The following DAPK2 variants were observed in gnomAD, a reference collection of about 807,000 sequenced individuals.
DAPK2 encodes the protein death-associated protein kinase 2.
In DAPK2, 35 loss-of-function variants were observed where a neutral mutation model predicts 44.1. The ratio of observed to expected loss-of-function variants is 0.79; its 90% confidence interval spans 0.61 to 1.05. The LOEUF (loss-of-function observed/expected upper bound fraction) is 1.05, where lower values mean the gene tolerates loss of function less well. Ranked by LOEUF, DAPK2 falls within the 50% of genes least tolerant of loss-of-function variation. DAPK2 has a pLI of 0.00. For missense variants in DAPK2, 453 were observed against 483.2 expected (o/e 0.94, Z 0.59); for synonymous variants, 174 against 182.6 (o/e 0.95, Z 0.38).
chr15:63,913,903 C>A (rs1227851144), intron 8 of DAPK2, among the ~76,000 whole-genome samples: 8 of 152,330 alleles, frequency 5.3e-5, no homozygotes, highest in Admixed American at 2.0e-4. Context: ...TCAGAACCAG[C>A]CTTGCAGAGG....
intron 1 of DAPK2, among the ~76,000 whole-genome samples, chr15:63,998,305 T>C (rs552848798): frequency 1.3e-5 from 2 of 152,244 alleles, no homozygotes; most frequent in South Asian, 4.1e-4. Context: ...GGCTCCCACA[T>C]GGATGTGGGC....
At chr15:63,910,818 A>G (rs1177760380) in intron 10 of DAPK2, 1 of 152,204 alleles carries the variant, frequency 6.6e-6, no homozygotes, top group Non-Finnish European at 1.5e-5. Context: ...TCAGCCACCC[A>G]AAGTGCTGGG....
In DAPK2 at chr15:63,911,867, C is replaced by T. The variant is rs907224401; in HGVS notation, c.1032+41G>A. ...TCACCCATCCCTGAGCTCCAGGCTA[C>T]CCCAGAATTCTGCCCAAGAAGAGGG... On this transcript the variant is annotated intron_variant, in intron 10 of 10. Transcript: ENST00000261891. 3 of 1,599,794 alleles carry T rather than the reference C, an allele frequency of 1.9e-6. No individual in the cohort carries two copies. In the African/African-American group the frequency reaches 4.0e-5, roughly 21 times the overall value.
At chr15:63,972,653 A>C (rs955369219) in intron 2 of DAPK2, among the ~76,000 whole-genome samples, 19 of 152,200 alleles carry the variant, frequency 1.2e-4, no homozygotes, top group African/African-American at 4.1e-4. Flanking sequence ...TAAAAATGGA[A>C]TATTTGGCTG....
intron 3 of DAPK2, among the ~76,000 whole-genome samples, chr15:63,943,621 C>T (rs1316170936): frequency 6.6e-6 from 1 of 152,078 alleles, no homozygotes; most frequent in African/African-American, 2.4e-5. Context: ...GCCTGTATTC[C>T]CAGCACTTTG....
At chr15:64,000,505 G>A (rs2079057551) in intron 1 of DAPK2, among the ~76,000 whole-genome samples, 1 of 152,174 alleles carries the variant, frequency 6.6e-6, no homozygotes, top group African/African-American at 2.4e-5. Context: ...ACCCCTGTGT[G>A]TCATGACTCA....
rs571268446 is a variant in DAPK2, at chr15:64,011,344, G to C, written c.93-27590C>G. 4.6e-5 allele frequency among the ~76,000 whole-genome samples: 7 copies of C among 152,282 alleles called. No individual in the cohort carries two copies. The East Asian group carries it at 1.3e-3, about 29-fold the overall frequency. ...GGAGGCCGAGGTGGGTGGATCACTG[G>C]AGGTCAGGAGTTCCAGACCAGCCTG... On this transcript the variant is annotated intron_variant, in intron 1 of 10. Transcript: ENST00000261891.
intron 10 of DAPK2, among the ~76,000 whole-genome samples, chr15:63,910,239 T>C (rs763138626): frequency 9.2e-5 from 14 of 152,222 alleles, no homozygotes; most frequent in South Asian, 2.1e-4. Flanking sequence ...CTCTGGGCCA[T>C]AAATCCTCAA....
chr15:64,042,299 C>G (rs890681000), upstream of DAPK2, among the ~76,000 whole-genome samples: 1 of 152,150 alleles, frequency 6.6e-6, no homozygotes, highest in Admixed American at 6.5e-5. This position sits in a 1 kb window ranked among gnomAD's most constrained non-coding sequence, Gnocchi z 4.7. Flanking sequence ...GGCAAATCTC[C>G]CAAGACTGGC....
In DAPK2 at chr15:64,007,574, G is replaced by C. The variant is rs568661451; in HGVS notation, c.93-23820C>G. On this transcript the variant is annotated intron_variant, in intron 1 of 10. Transcript: ENST00000261891. ...GAGGGGGACAGGCTTACTCTGCACA[G>C]GAGTTTCCCAAAATCCCCTTGGATA... Among the ~76,000 whole-genome samples the C allele has an allele frequency of 4.3e-4, 65 of 152,308 alleles. No individual in the cohort carries two copies. In the South Asian group the frequency reaches 0.01, roughly 24 times the overall value.
At chr15:64,042,585 C>T (rs929873142), upstream of DAPK2, among the ~76,000 whole-genome samples, 2 of 152,236 alleles carry the variant, frequency 1.3e-5, no homozygotes, top group Non-Finnish European at 2.9e-5. The surrounding 1 kb of genome is among the most constrained non-coding windows in gnomAD (Gnocchi z 4.7). Flanking sequence ...GAGCCTCTGC[C>T]TTGGGCTCTA....
intron 1 of DAPK2, among the ~76,000 whole-genome samples, chr15:63,989,600 T>C (rs1249300193): frequency 6.6e-6 from 1 of 152,220 alleles, no homozygotes; most frequent in Non-Finnish European, 1.5e-5. Context: ...CATGTGGTGA[T>C]AGTAAAAAGC....
intron 4 of DAPK2, among the ~76,000 whole-genome samples, chr15:63,937,934 G>A (rs757822270): frequency 1.3e-5 from 2 of 152,198 alleles, no homozygotes; most frequent in Non-Finnish European, 2.9e-5. Context: ...TTGTGACCTT[G>A]GGTGTGTCAT....
At chr15:64,016,015 G>C (rs1488873642) in intron 1 of DAPK2, among the ~76,000 whole-genome samples, 1 of 152,238 alleles carries the variant, frequency 6.6e-6, no homozygotes, top group Non-Finnish European at 1.5e-5. Flanking sequence ...AGGGGGCATA[G>C]GGAGGAAGGC....
chr15:63,945,147 G>A (rs2140486872), intron 3 of DAPK2, among the ~76,000 whole-genome samples: 1 of 152,256 alleles, frequency 6.6e-6, no homozygotes, highest in East Asian at 1.9e-4. Context: ...TTACAGACAT[G>A]AGCCACCCTG....
At chr15:63,992,111 T>A (rs759088146) in intron 1 of DAPK2, among the ~76,000 whole-genome samples, 13 of 152,212 alleles carry the variant, frequency 8.5e-5, no homozygotes, top group Non-Finnish European at 1.9e-4. Context: ...GTATGACAAC[T>A]ATTTTTTAAC....
exon 3 of DAPK2, chr15:63,971,501 C>T: frequency 6.2e-7 from 1 of 1,614,200 alleles, no homozygotes; most frequent in Non-Finnish European, 8.5e-7. Context: ...AGCTGGTGGC[C>T]TCCTCCTCAC....
intron 3 of DAPK2, among the ~76,000 whole-genome samples, chr15:63,952,198 C>A (rs929337172): frequency 2.6e-5 from 4 of 152,112 alleles, no homozygotes; most frequent in African/African-American, 9.7e-5. Context: ...CGAGATCCTG[C>A]CACTGCACTC....
chr15:63,947,065 A>C (rs1595776350), intron 3 of DAPK2, among the ~76,000 whole-genome samples: 1 of 22,340 alleles, frequency 4.5e-5, no homozygotes, highest in Non-Finnish European at 1.7e-4. Flanking sequence ...CTGCTTCCCC[A>C]CCTCCTACTC....
Sources: gnomAD v4.1 joint callset for allele counts (sites outside exome capture counted in the v4.1 genomes callset) on GRCh38, gnomAD v4.1.1 for gene constraint, Gnocchi (gnomAD v3.1) non-coding constraint, MANE v1.5 for transcripts, NCBI Gene and HGNC (gene_info 2026-07-23, HGNC 2026-07-21) for gene names.